Variants in DISC1 observed in about 807,000 individuals in gnomAD.
DISC1 encodes disrupted in schizophrenia 1 protein.
DISC1 carries 57 observed loss-of-function variants against 84.5 expected under a neutral mutation model. That is an observed-to-expected ratio of 0.67 (90% CI 0.55 to 0.84). The LOEUF is 0.84. Ranked by LOEUF, DISC1 falls within the 40% of genes least tolerant of loss-of-function variation. The pLI is 0.00. For missense variants in DISC1, 1,000 were observed against 1,057.8 expected, an observed-to-expected ratio of 0.95 and a Z score of 0.76; for synonymous variants, 411 against 415.2, an observed-to-expected ratio of 0.99 and a Z score of 0.12.
chr1:231,819,299 G>C (rs1289443489), intron 9 of DISC1: 1 of 338,192 alleles, frequency 3.0e-6, no homozygotes, highest in Non-Finnish European at 4.2e-6. Flanking sequence ...ATAGGAACCA[G>C]ATTTGAAATA....
chr1:232,027,570 G>A (rs937122402), intron 12 of DISC1, among the ~76,000 whole-genome samples: 1 of 152,156 alleles, frequency 6.6e-6, no homozygotes, highest in African/African-American at 2.4e-5. Flanking sequence ...GAGCAAATGG[G>A]TGGGTACCCA....
intron 10 of DISC1, among the ~76,000 whole-genome samples, chr1:231,988,299 A>G (rs1253725262): frequency 2.0e-5 from 3 of 152,292 alleles, no homozygotes; most frequent in African/African-American, 7.2e-5. Context: ...CACTTCCCCA[A>G]CCTACAAATC....
intron 9 of DISC1, among the ~76,000 whole-genome samples, chr1:231,914,687 C>A (rs1317943072): frequency 6.6e-6 from 1 of 152,208 alleles, no homozygotes; most frequent in African/African-American, 2.4e-5. Context: ...CGAGCAAATG[C>A]TTGTCATCTC....
intron 6 of DISC1, among the ~76,000 whole-genome samples, chr1:231,773,567 G>T (rs2125474612): frequency 6.6e-6 from 1 of 152,146 alleles, no homozygotes; most frequent in Non-Finnish European, 1.5e-5. Context: ...TGTATTTTTA[G>T]TAGAGACAGG....
chr1:231,976,249 G>A (rs1356764300), intron 10 of DISC1, among the ~76,000 whole-genome samples: 1 of 152,152 alleles, frequency 6.6e-6, no homozygotes, highest in East Asian at 1.9e-4. Context: ...CAGTATACAG[G>A]AAAAGGGATG....
intron 10 of DISC1, among the ~76,000 whole-genome samples, chr1:231,964,730 G>T (rs1330254391): frequency 1.3e-5 from 2 of 152,200 alleles, no homozygotes; most frequent in Non-Finnish European, 2.9e-5. Flanking sequence ...CTTTCCAAGA[G>T]GATCAACATT....
chr1:231,653,324 G>A (rs1025657066), intron 1 of DISC1, among the ~76,000 whole-genome samples: 15 of 152,208 alleles, frequency 9.9e-5, no homozygotes, highest in African/African-American at 3.4e-4. Context: ...CCAGGCTTGC[G>A]TGGAGGGGCT....
chr1:231,800,003 C>G, intron 7 of DISC1, 105 bp from the exon 8 acceptor site: 1 of 701,996 alleles, frequency 1.4e-6, no homozygotes, highest in Non-Finnish European at 2.5e-6. Context: ...TTTCATCACC[C>G]CTTTTAATTA....
chr1:231,922,771 C>G (rs914722986), intron 9 of DISC1, among the ~76,000 whole-genome samples: 2 of 152,024 alleles, frequency 1.3e-5, no homozygotes, highest in African/African-American at 4.8e-5. Context: ...TCCAGCTGGC[C>G]TTTTGAGCCC....
At chr1:231,944,453 T>C (rs1252125873) in intron 9 of DISC1, among the ~76,000 whole-genome samples, 1 of 152,196 alleles carries the variant, frequency 6.6e-6, no homozygotes, top group Non-Finnish European at 1.5e-5. Context: ...GAAGAAGGGC[T>C]CCTTGGCTTC....
At chr1:231,707,142 G>A (rs2067186019) in intron 3 of DISC1, among the ~76,000 whole-genome samples, 1 of 152,190 alleles carries the variant, frequency 6.6e-6, no homozygotes, top group African/African-American at 2.4e-5. Flanking sequence ...AATGGGATGT[G>A]GATGCCATCT....
intron 10 of DISC1, among the ~76,000 whole-genome samples, chr1:231,960,971 A>G (rs72762344): frequency 0.05 from 7,690 of 152,330 alleles, 298 homozygotes; most frequent in East Asian, 0.21. Flanking sequence ...CTGGTTTATT[A>G]TAAAGGAGGT....
At chr1:231,733,659 G>GGTGGTA (rs373146506) in intron 3 of DISC1, among the ~76,000 whole-genome samples, 28 of 151,096 alleles carry the variant, frequency 1.9e-4, no homozygotes, top group Middle Eastern at 3.4e-3. Context: ...TGGGAGTGAT[G>GGTGGTA]GTGGTAGTGG....
chr1:231,801,292 G>T (rs1388822401), intron 8 of DISC1, among the ~76,000 whole-genome samples: 1 of 150,736 alleles, frequency 6.6e-6, no homozygotes, highest in Non-Finnish European at 1.5e-5. Flanking sequence ...AAAAAAAGAA[G>T]ATTGAACACA....
In DISC1 at chr1:231,900,040, T is replaced by C. The variant is rs574530857; in HGVS notation, c.1982-58788T>C. 2.0e-4 allele frequency among the ~76,000 whole-genome samples: 30 copies of C among 152,342 alleles called. No homozygotes were observed. The East Asian group carries it at 4.6e-3, about 24-fold the overall frequency. ...AAGCTGTGCAATGCAAATAAAATTATTTTATTTATTATAGCATTAACTTAA... is the reference window on the plus strand; with the variant it reads ...AAGCTGTGCAATGCAAATAAAATTACTTTATTTATTATAGCATTAACTTAA... On this transcript the variant is annotated intron_variant, in intron 9 of 12. Coordinates refer to ENST00000439617, the MANE Select transcript of DISC1 (RefSeq NM_018662.3).
intron 9 of DISC1, among the ~76,000 whole-genome samples, chr1:231,912,447 TCCAGA>T (rs2089284806): frequency 6.6e-6 from 1 of 152,192 alleles, no homozygotes; most frequent in Non-Finnish European, 1.5e-5. Flanking sequence ...GGAGGTCCAC[TCCAGA>T]CCCTGTTTAC....
At chr1:231,995,566 C>T (rs1572545433) in intron 10 of DISC1, among the ~76,000 whole-genome samples, 1 of 152,184 alleles carries the variant, frequency 6.6e-6, no homozygotes, top group African/African-American at 2.4e-5. Flanking sequence ...GTTCAATTCC[C>T]ACCTATGAGT....
chr1:231,962,292 T>G (rs1282679903), intron 10 of DISC1, among the ~76,000 whole-genome samples: 2 of 152,226 alleles, frequency 1.3e-5, no homozygotes, highest in Admixed American at 6.5e-5. Context: ...CTTTGTTAGA[T>G]GCATAGTTTG....
chr1:231,994,298 A>G (rs1665618282), intron 10 of DISC1, among the ~76,000 whole-genome samples: 1 of 152,224 alleles, frequency 6.6e-6, no homozygotes, highest in South Asian at 2.1e-4. Flanking sequence ...CCAGCATGAC[A>G]GTCTTGGGCT....
Sources: allele counts gnomAD v4.1 joint callset (sites outside exome capture counted in the v4.1 genomes callset), GRCh38; gene constraint gnomAD v4.1.1; transcripts MANE v1.5; gene names NCBI Gene and HGNC (gene_info 2026-07-23, HGNC 2026-07-21).